Variants in ZBBX observed in about 807,000 individuals in gnomAD.
The protein encoded by ZBBX is zinc finger B-box domain-containing protein 1.
In ZBBX, 101 loss-of-function variants were observed where a neutral mutation model predicts 108.5. The observed-to-expected ratio is 0.93, with a 90% CI of 0.79 to 1.10. The LOEUF (loss-of-function observed/expected upper bound fraction) is 1.10, where lower values mean the gene tolerates loss of function less well. ZBBX is among the 50% of genes least tolerant of loss of function. The probability of loss-of-function intolerance (pLI) is 0.00; values close to 1 mark genes in which losing one functional copy is unlikely to be tolerated. For missense variants in ZBBX, 1,009 were observed against 941.4 expected (o/e 1.07, Z -0.94); for synonymous variants, 356 against 323.4 (o/e 1.10, Z -1.08).
In ZBBX at chr3:167,328,136, G is replaced by A; in HGVS notation, c.688-20C>T. 6.4e-7 allele frequency: 1 copy of A among 1,572,982 alleles called. No individual in the cohort carries two copies. The highest frequency in any genetic ancestry group is 8.6e-7 in the Non-Finnish European group (1 of 1,164,804). On this transcript the variant is annotated intron_variant, in intron 10 of 21. Coordinates refer to ENST00000675490, the MANE Select transcript of ZBBX (RefSeq NM_001199201.2). ...TTCTACCTAATTAAAAGGATACATAGGCATGCTTTATTAAATTTTCTGTAT... is the reference window on the plus strand; with the variant it reads ...TTCTACCTAATTAAAAGGATACATAAGCATGCTTTATTAAATTTTCTGTAT...
intron 20 of ZBBX, among the ~76,000 whole-genome samples, chr3:167,280,758 A>C (rs1184065771): frequency 6.6e-6 from 1 of 151,890 alleles, no homozygotes; most frequent in Non-Finnish European, 1.5e-5. Context: ...TACTGGGTAT[A>C]TACCCAAAGG....
chr3:167,353,773 T>A (rs1468773883), intron 8 of ZBBX, among the ~76,000 whole-genome samples: 1 of 152,004 alleles, frequency 6.6e-6, no homozygotes, highest in Non-Finnish European at 1.5e-5. Flanking sequence ...GAAGAAGAGA[T>A]AACAAAAGAA....
chr3:167,254,887 T>TGAGAGAGAGAGAGAATGAGGGA (rs1553782887), intron 20 of ZBBX, among the ~76,000 whole-genome samples: 6 of 141,370 alleles, frequency 4.2e-5, no homozygotes, highest in African/African-American at 1.3e-4. Flanking sequence ...TGTGTGTGTG[T>TGAGAGAGAGAGAGAATGAGGGA]GAGAGAGAGA....
chr3:167,332,705 T>C (rs6444248), intron 10 of ZBBX, among the ~76,000 whole-genome samples: 52,239 of 151,996 alleles, frequency 0.34, 9,488 homozygotes, highest in East Asian at 0.67. Flanking sequence ...TTATTTTTGA[T>C]AGGATTAATT....
chr3:167,193,142 T>C, the ZBBX span, among the ~76,000 whole-genome samples: 1 of 152,180 alleles, frequency 6.6e-6, no homozygotes, highest in Non-Finnish European at 1.5e-5. Flanking sequence ...TCTCTGTAAT[T>C]TACCTGTTGG....
At chr3:167,364,279 T>C (rs1382727833) in intron 6 of ZBBX, among the ~76,000 whole-genome samples, 1 of 151,910 alleles carries the variant, frequency 6.6e-6, no homozygotes, top group Non-Finnish European at 1.5e-5. Context: ...GTCAAATGTC[T>C]CCTGGGAAGC....
chr3:167,352,420 A>G (rs1347507054), intron 8 of ZBBX, among the ~76,000 whole-genome samples: 7 of 152,128 alleles, frequency 4.6e-5, no homozygotes, highest in Non-Finnish European at 8.8e-5. Context: ...ACAGCCTCTC[A>G]AGGTTGAAAC....
chr3:167,307,416 C>T (rs13075454), intron 16 of ZBBX, among the ~76,000 whole-genome samples: 60,078 of 151,996 alleles, frequency 0.4, 12,069 homozygotes, highest in Non-Finnish European at 0.43. Context: ...ATAACTTTGG[C>T]AAAGTCTCAG....
intron 20 of ZBBX, among the ~76,000 whole-genome samples, chr3:167,277,285 A>G (rs986334428): frequency 6.8e-6 from 1 of 147,086 alleles, no homozygotes; most frequent in African/African-American, 2.7e-5. Flanking sequence ...CTCCAATTAA[A>G]AGACACACAC....
chr3:167,322,074 T>A (rs1736536729), intron 12 of ZBBX, 43 bp downstream of exon 12: 3 of 1,098,708 alleles, frequency 2.7e-6, no homozygotes, highest in South Asian at 6.1e-5. Context: ...GAAACATAAA[T>A]AACTTTCATA....
At chr3:167,299,232 T>C (rs535093948) in intron 17 of ZBBX, among the ~76,000 whole-genome samples, 1 of 152,190 alleles carries the variant, frequency 6.6e-6, no homozygotes, top group African/African-American at 2.4e-5. Context: ...ATCTAACTAA[T>C]GCCCAAATAT....
At chr3:167,326,767 A>T (rs188546790) in intron 11 of ZBBX, among the ~76,000 whole-genome samples, 1 of 152,188 alleles carries the variant, frequency 6.6e-6, no homozygotes, top group East Asian at 1.9e-4. Flanking sequence ...GATGTGTGAT[A>T]AAGAAATGTA....
intron 20 of ZBBX, among the ~76,000 whole-genome samples, chr3:167,257,791 G>C (rs1446466131): frequency 6.6e-6 from 1 of 151,948 alleles, no homozygotes; most frequent in East Asian, 1.9e-4. Context: ...TTGGCCATTT[G>C]TGTATCTTCT....
chr3:167,312,623 G>C (rs1734783636), intron 16 of ZBBX, among the ~76,000 whole-genome samples: 1 of 152,132 alleles, frequency 6.6e-6, no homozygotes. Flanking sequence ...TTTCAAAAAT[G>C]TGTCTTTAAA....
intron 1 of ZBBX, among the ~76,000 whole-genome samples, chr3:167,386,347 G>A (rs1025871660): frequency 6.6e-6 from 1 of 151,968 alleles, no homozygotes; most frequent in Admixed American, 6.6e-5. Context: ...TGGTTGTGCA[G>A]AACAGAGAAC....
chr3:167,255,910 A>G (rs1035360185), intron 20 of ZBBX, among the ~76,000 whole-genome samples: 6 of 151,802 alleles, frequency 4.0e-5, no homozygotes, highest in African/African-American at 9.7e-5. Flanking sequence ...CATTCTTTCT[A>G]TTTTCAGTAC....
the ZBBX span, among the ~76,000 whole-genome samples, chr3:167,230,686 C>G: frequency 1.3e-5 from 2 of 151,558 alleles, no homozygotes; most frequent in Admixed American, 1.3e-4. Flanking sequence ...AGGGTGAGCT[C>G]AAGAAAGAGG....
At chr3:167,312,548 T>C (rs1334399712) in intron 16 of ZBBX, among the ~76,000 whole-genome samples, 3 of 152,182 alleles carry the variant, frequency 2.0e-5, no homozygotes, top group South Asian at 2.1e-4. Context: ...AAAGGGTATA[T>C]AGGAACTCTC....
intron 11 of ZBBX, among the ~76,000 whole-genome samples, chr3:167,324,658 C>T (rs1005410079): frequency 7.9e-5 from 12 of 152,110 alleles, no homozygotes; most frequent in Admixed American, 2.6e-4. Context: ...ACCCTTACTT[C>T]GGTAACTTTT....
Sources: allele counts gnomAD v4.1 joint callset (sites outside exome capture counted in the v4.1 genomes callset), GRCh38; gene constraint gnomAD v4.1.1; transcripts MANE v1.5; gene names NCBI Gene and HGNC (gene_info 2026-07-23, HGNC 2026-07-21).